The following USP48 variants were observed in gnomAD, a reference collection of about 807,000 sequenced individuals.
The protein encoded by USP48 is ubiquitin carboxyl-terminal hydrolase 48.
In USP48, 43 loss-of-function variants were observed where a neutral mutation model predicts 150.7. The observed-to-expected ratio is 0.29, with a 90% CI of 0.22 to 0.37. USP48 has a LOEUF of 0.37. Among genes scored for constraint, USP48 ranks in the 10% least tolerant of loss-of-function variants. The pLI, the probability that USP48 is intolerant of heterozygous loss-of-function variation, is 1.00. For synonymous variants in USP48, 396 were observed against 425.9 expected, an observed-to-expected ratio of 0.93 and a Z score of 0.86; for missense variants, 813 against 1,249.6, an observed-to-expected ratio of 0.65 and a Z score of 5.27.
chr1:21,712,795 A>G (rs1356057540), intron 15 of USP48, among the ~76,000 whole-genome samples: 2 of 151,518 alleles, frequency 1.3e-5, no homozygotes, highest in African/African-American at 4.9e-5. Flanking sequence ...CATCCAGCTA[A>G]TTTTTGTATT....
At chr1:21,752,252 G>C (rs2097818038) in intron 5 of USP48, among the ~76,000 whole-genome samples, 1 of 152,060 alleles carries the variant, frequency 6.6e-6, no homozygotes, top group Non-Finnish European at 1.5e-5. Context: ...ATTCTAGCCA[G>C]TTCCAATCTT....
chr1:21,717,090 T>C (rs549371296), intron 14 of USP48, among the ~76,000 whole-genome samples: 1 of 143,892 alleles, frequency 6.9e-6, no homozygotes, highest in South Asian at 2.2e-4. Context: ...ATACAAAAAA[T>C]ATCTACTAAT....
chr1:21,746,973 T>A, intron 8 of USP48, 94 bp downstream of exon 8: 1 of 956,190 alleles, frequency 1.0e-6, no homozygotes, highest in Non-Finnish European at 1.5e-6. Flanking sequence ...CAAACAAAAA[T>A]TGGCAATTGA....
chr1:21,683,246 A>G (rs79800137), intron 25 of USP48, among the ~76,000 whole-genome samples: 1 of 152,168 alleles, frequency 6.6e-6, no homozygotes, highest in Non-Finnish European at 1.5e-5. Flanking sequence ...ACTCCATCTC[A>G]AAAAAATAAA....
At chr1:21,745,232 C>A (rs1278605466) in intron 8 of USP48, among the ~76,000 whole-genome samples, 4 of 152,060 alleles carry the variant, frequency 2.6e-5, no homozygotes, top group African/African-American at 7.2e-5. Flanking sequence ...AACTATAAAC[C>A]ACTAGATTGC....
chr1:21,721,628 C>A, intron 13 of USP48, 22 bp downstream of exon 13: 1 of 1,444,374 alleles, frequency 6.9e-7, no homozygotes, highest in Non-Finnish European at 9.5e-7. Context: ...TTATCATTAA[C>A]AATGTACACT....
At chr1:21,719,190 C>CCA (rs2097712747) in intron 14 of USP48, among the ~76,000 whole-genome samples, 1 of 16,118 alleles carries the variant, frequency 6.2e-5, no homozygotes, top group Non-Finnish European at 1.1e-4. Context: ...TTGAACTGGG[C>CCA]GGAGGGACGG....
chr1:21,681,611 C>T (rs1202060317), intron 25 of USP48, among the ~76,000 whole-genome samples: 3 of 152,182 alleles, frequency 2.0e-5, no homozygotes, highest in African/African-American at 7.2e-5. Context: ...GTGAAGGATA[C>T]AAACAGCTGT....
intron 14 of USP48, among the ~76,000 whole-genome samples, chr1:21,716,984 C>T (rs1345762385): frequency 6.6e-6 from 1 of 151,892 alleles, no homozygotes; most frequent in East Asian, 1.9e-4. Context: ...GCCCAGATGG[C>T]GCCACTGCAC....
intron 1 of USP48, among the ~76,000 whole-genome samples, chr1:21,779,239 A>G (rs1473137397): frequency 6.6e-6 from 1 of 152,096 alleles, no homozygotes; most frequent in Non-Finnish European, 1.5e-5. Flanking sequence ...CATTAAAAAT[A>G]AATAAATAAA....
At chr1:21,780,869 G>C (rs534348367) in intron 1 of USP48, among the ~76,000 whole-genome samples, 1 of 147,340 alleles carries the variant, frequency 6.8e-6, no homozygotes, top group East Asian at 2.0e-4. Context: ...AGCCACCCCA[G>C]TAGCTGGGAT....
At chr1:21,690,236 GC>G (rs2097593808) in intron 23 of USP48, 137 bp from the exon 24 acceptor site, 3 of 1,038,774 alleles carry the variant, frequency 2.9e-6, no homozygotes, top group Non-Finnish European at 4.1e-6. Flanking sequence ...TTTACAGTCA[GC>G]CTACTTGTTA....
Position 21,695,224 on chromosome 1 carries a change from A to G in USP48, c.2728-3T>C, listed in dbSNP as rs1323622382. The G allele has an allele frequency of 1.9e-6, 3 of 1,600,204 alleles. No individual in the cohort carries two copies. Among genetic ancestry groups the G allele is most frequent in the African/African-American group, 2.7e-5 (2 of 74,288 alleles). The stretch of plus-strand genomic sequence containing the variant: ...TGCCGCTTTGTTCCACCATTGCTCT[A>G]TAATGAAGATTGGAAATGAAGAAAG... On this transcript the variant is annotated splice_region_variant and splice_polypyrimidine_tract_variant and intron_variant, in intron 22 of 26. Transcript: ENST00000308271.
At chr1:21,726,766 T>A (rs974133004) in intron 11 of USP48, among the ~76,000 whole-genome samples, 10 of 152,186 alleles carry the variant, frequency 6.6e-5, no homozygotes, top group African/African-American at 2.4e-4. Flanking sequence ...TTCCCTAGTA[T>A]TTGTGATTCA....
chr1:21,778,450 C>A (rs1033128796), intron 1 of USP48, among the ~76,000 whole-genome samples: 3 of 151,952 alleles, frequency 2.0e-5, no homozygotes, highest in South Asian at 2.1e-4. Context: ...CGCAGCCACT[C>A]TGGAAAGTAA....
At chr1:21,717,708 A>C (rs778768298) in intron 14 of USP48, among the ~76,000 whole-genome samples, 1 of 152,194 alleles carries the variant, frequency 6.6e-6, no homozygotes, top group Non-Finnish European at 1.5e-5. Context: ...CTGTAATCCC[A>C]GCACTTTGGA....
intron 3 of USP48, among the ~76,000 whole-genome samples, chr1:21,754,811 C>T (rs545533350): frequency 4.1e-4 from 63 of 152,152 alleles, no homozygotes; most frequent in Non-Finnish European, 8.5e-4. Context: ...TCTCAGGTGA[C>T]TCTGTAGGGG....
intron 8 of USP48, among the ~76,000 whole-genome samples, chr1:21,739,484 A>G (rs2097776138): frequency 1.6e-5 from 2 of 127,816 alleles, no homozygotes; most frequent in Non-Finnish European, 3.1e-5. Context: ...ATGCCATTGC[A>G]CTCCGGCCTG....
chr1:21,746,599 C>T (rs1228005528), intron 8 of USP48, among the ~76,000 whole-genome samples: 1 of 152,050 alleles, frequency 6.6e-6, no homozygotes, highest in Non-Finnish European at 1.5e-5. Flanking sequence ...CTTGTTAAAA[C>T]AATGATAGCA....
Sources: gnomAD v4.1 joint callset for allele counts (sites outside exome capture counted in the v4.1 genomes callset) on GRCh38, gnomAD v4.1.1 for gene constraint, MANE v1.5 for transcripts, NCBI Gene and HGNC (gene_info 2026-07-23, HGNC 2026-07-21) for gene names.